Variants in KIAA0825 observed in about 807,000 individuals in gnomAD.
KIAA0825 encodes the protein uncharacterized protein KIAA0825.
A neutral mutation model predicts 147.6 loss-of-function variants in KIAA0825; 119 were observed. The observed-to-expected ratio is 0.81, with a 90% confidence interval of 0.69 to 0.94. The LOEUF is 0.94. Ranked by LOEUF, KIAA0825 falls within the 40% of genes least tolerant of loss-of-function variation. The pLI is 0.00. For missense variants in KIAA0825, 1,381 were observed against 1,472.7 expected, an observed-to-expected ratio of 0.94 and a Z score of 1.02; for synonymous variants, 470 against 518.1, an observed-to-expected ratio of 0.91 and a Z score of 1.26.
chr5:94,377,727 G>C (rs1244329120), intron 20 of KIAA0825, among the ~76,000 whole-genome samples: 1 of 152,100 alleles, frequency 6.6e-6, no homozygotes, highest in African/African-American at 2.4e-5. Context: ...TTTCACAATA[G>C]CAAACTTTCT....
chr5:94,223,414 C>T (rs1438534060), intron 20 of KIAA0825, among the ~76,000 whole-genome samples: 1 of 152,132 alleles, frequency 6.6e-6, no homozygotes, highest in Non-Finnish European at 1.5e-5. Context: ...ACCTTTTTGT[C>T]AGCTCTCATT....
At chr5:94,170,009 G>A (rs998563) in intron 20 of KIAA0825, among the ~76,000 whole-genome samples, 2,664 of 152,172 alleles carry the variant, frequency 0.018, 28 homozygotes, top group Middle Eastern at 0.055. Context: ...CATCTCCCAC[G>A]TAAGCTATCT....
chr5:94,200,534 A>C (rs1771569341), intron 20 of KIAA0825, among the ~76,000 whole-genome samples: 1 of 151,584 alleles, frequency 6.6e-6, no homozygotes, highest in African/African-American at 2.4e-5. Context: ...AACTTCTGAT[A>C]TCATGACCAT....
chr5:94,263,984 C>T (rs918716889), intron 20 of KIAA0825, among the ~76,000 whole-genome samples: 5 of 152,270 alleles, frequency 3.3e-5, no homozygotes, highest in Middle Eastern at 3.4e-3. Context: ...TTACTTCTAC[C>T]TTCTCACCAT....
chr5:94,399,729 G>A (rs192263103), intron 16 of KIAA0825, among the ~76,000 whole-genome samples: 2 of 152,120 alleles, frequency 1.3e-5, no homozygotes, highest in East Asian at 3.9e-4. Context: ...TATGTCTTAG[G>A]ATGAAGGCAA....
At chr5:94,176,243 C>T (rs1769088280) in intron 20 of KIAA0825, among the ~76,000 whole-genome samples, 2 of 152,068 alleles carry the variant, frequency 1.3e-5, no homozygotes, top group Admixed American at 1.3e-4. Context: ...AGCCTGGCCT[C>T]CCTGGTTTCT....
intron 20 of KIAA0825, among the ~76,000 whole-genome samples, chr5:94,197,643 T>C (rs185076068): frequency 8.9e-4 from 136 of 152,326 alleles, no homozygotes; most frequent in African/African-American, 3.2e-3. Context: ...TGAGTTGATT[T>C]TTTTGTGCAT....
intron 1 of KIAA0825, among the ~76,000 whole-genome samples, chr5:94,584,176 A>G (rs1346021009): frequency 6.6e-6 from 1 of 152,190 alleles, no homozygotes. Context: ...ACAAAACTGG[A>G]TGGAGAATGA....
rs1282362303 is a variant in KIAA0825 at position 94,472,584 on chromosome 5, T to A, written c.1455+708A>T. Among the ~76,000 whole-genome samples the A allele has an allele frequency of 2.0e-5, 3 of 151,960 alleles. No individual in the cohort carries two copies. The East Asian group carries it at 5.8e-4, about 30-fold the overall frequency. ...ACGGTGAAACCCCGTCTTTACTAAA[T>A]ATACCAAAAATTAGCCGGGCGAGGT... On this transcript the variant is annotated intron_variant, in intron 8 of 20. Coordinates refer to ENST00000682413, the MANE Select transcript of KIAA0825 (RefSeq NM_001145678.3).
intron 20 of KIAA0825, among the ~76,000 whole-genome samples, chr5:94,230,431 T>G (rs1280651300): frequency 2.6e-5 from 4 of 152,194 alleles, no homozygotes; most frequent in African/African-American, 7.2e-5. Context: ...TCTGGAGTCT[T>G]TCTGGAATTC....
chr5:94,603,752 C>G (rs556607792), intron 1 of KIAA0825, among the ~76,000 whole-genome samples: 1 of 152,156 alleles, frequency 6.6e-6, no homozygotes, highest in East Asian at 1.9e-4. Flanking sequence ...AAATGGAAAA[C>G]AGAAAAAAGC....
intron 20 of KIAA0825, among the ~76,000 whole-genome samples, chr5:94,310,150 C>T (rs1468970408): frequency 6.6e-6 from 1 of 151,610 alleles, no homozygotes; most frequent in Non-Finnish European, 1.5e-5. Context: ...TCATGGTATT[C>T]CTATTCCATC....
At chr5:94,261,099 C>T (rs1425342612) in intron 20 of KIAA0825, among the ~76,000 whole-genome samples, 3 of 151,806 alleles carry the variant, frequency 2.0e-5, no homozygotes, top group South Asian at 4.1e-4. Context: ...CCCAGGAGTT[C>T]GAGACCAGAC....
intron 3 of KIAA0825, among the ~76,000 whole-genome samples, chr5:94,528,733 G>A (rs1474314094): frequency 6.6e-6 from 1 of 151,818 alleles, no homozygotes; most frequent in Non-Finnish European, 1.5e-5. Context: ...CATTCTATAG[G>A]GCTAGAAGGA....
At position 94,417,351 on chromosome 5, in the gene KIAA0825, T is replaced by C. The variant is rs1753599055; in HGVS notation, c.2512A>G (p.Thr838Ala). 1.3e-6 allele frequency: 2 copies of C among 1,542,958 alleles called. No individual in the cohort carries two copies. Among genetic ancestry groups the C allele is most frequent in the Non-Finnish European group, 1.8e-6 (2 of 1,140,026 alleles). The change falls in exon 15 of 21, where the codon ACA (threonine) becomes GCA (alanine). Residue 838 changes from threonine (T) to alanine (A), a missense_variant. By Grantham distance (58) the Thr-to-Ala change is moderately conservative (BLOSUM62 0). Coordinates refer to ENST00000682413, the MANE Select transcript of KIAA0825 (RefSeq NM_001145678.3). Reference protein sequence around the residue: ...LLKSSKQVSDTENNLNQGPSL... With the variant: ...LLKSSKQVSDAENNLNQGPSL... The stretch of plus-strand genomic sequence containing the variant: ...GGTCCTTGGTTCAGGTTATTTTCTG[T>C]GTCGGAAACTTGTTCTTGAAAGGTA...
chr5:94,352,896 A>G (rs1783843464), intron 20 of KIAA0825, among the ~76,000 whole-genome samples: 1 of 147,238 alleles, frequency 6.8e-6, no homozygotes, highest in South Asian at 2.3e-4. Context: ...AGGCATAAGA[A>G]TGATGCAATG....
At chr5:94,275,786 C>T (rs1777200819) in intron 20 of KIAA0825, among the ~76,000 whole-genome samples, 3 of 152,088 alleles carry the variant, frequency 2.0e-5, no homozygotes, top group African/African-American at 7.2e-5. Flanking sequence ...GCATCATTTA[C>T]ACAGCTCGCA....
intron 20 of KIAA0825, among the ~76,000 whole-genome samples, chr5:94,320,892 C>G (rs1350520499): frequency 6.6e-6 from 1 of 152,004 alleles, no homozygotes; most frequent in African/African-American, 2.4e-5. Context: ...TTTTCTCAAC[C>G]AGCCTGATTC....
chr5:94,428,765 C>T (rs1315097967), intron 14 of KIAA0825, among the ~76,000 whole-genome samples: 8 of 152,098 alleles, frequency 5.3e-5, no homozygotes, highest in Non-Finnish European at 1.5e-5. Flanking sequence ...TGCAGGTGAT[C>T]TTGAATTATT....
Sources: allele counts gnomAD v4.1 joint callset (sites outside exome capture counted in the v4.1 genomes callset), GRCh38; gene constraint gnomAD v4.1.1; transcripts MANE v1.5; gene names NCBI Gene and HGNC (gene_info 2026-07-23, HGNC 2026-07-21).